The following CTNNA2 variants were observed in gnomAD, a reference collection of about 807,000 sequenced individuals.
CTNNA2 encodes catenin alpha 2, also known as catenin alpha-2.
CTNNA2 carries 42 observed loss-of-function variants against 101.0 expected under a neutral mutation model. That is an observed-to-expected ratio of 0.42 (90% confidence interval 0.32 to 0.54). The LOEUF (loss-of-function observed/expected upper bound fraction) is 0.54, where lower values mean the gene tolerates loss of function less well. Ranked by LOEUF, CTNNA2 falls within the 20% of genes least tolerant of loss-of-function variation. CTNNA2 has a pLI of 0.14. For synonymous variants in CTNNA2, 450 were observed against 456.4 expected (o/e 0.99, Z 0.18); for missense variants, 871 against 1,223.1 (o/e 0.71, Z 4.29).
At chr2:80,608,341 A>G (rs202107732) in intron 17 of CTNNA2, 23 bp downstream of exon 17, 38 of 1,599,628 alleles carry the variant, frequency 2.4e-5, no homozygotes, top group Middle Eastern at 1.7e-4. Context: ...TGGGCTTCAC[A>G]ATGTAAAGTT....
At chr2:79,485,077 G>T (rs951328161) in intron 4 of CTNNA2, among the ~76,000 whole-genome samples, 3 of 152,066 alleles carry the variant, frequency 2.0e-5, no homozygotes, top group African/African-American at 7.2e-5. Context: ...CTATATGAAG[G>T]TTATAGATGG....
intron 2 of CTNNA2, among the ~76,000 whole-genome samples, chr2:79,729,617 C>G (rs1173313478): frequency 6.6e-6 from 1 of 151,946 alleles, no homozygotes; most frequent in Non-Finnish European, 1.5e-5. Flanking sequence ...TGTGAATTGT[C>G]CAAATAAAGG....
At chr2:79,999,106 T>G (rs1219237131) in intron 7 of CTNNA2, among the ~76,000 whole-genome samples, 1 of 152,094 alleles carries the variant, frequency 6.6e-6, no homozygotes, top group Non-Finnish European at 1.5e-5. Flanking sequence ...GAAGGACATC[T>G]GAGCCTTGGC....
chr2:80,570,956 A>G (rs992128495), intron 12 of CTNNA2, among the ~76,000 whole-genome samples: 3 of 152,076 alleles, frequency 2.0e-5, no homozygotes, highest in Non-Finnish European at 4.4e-5. Flanking sequence ...TATGAAGTCC[A>G]TTTAGGTTTT....
At chr2:80,641,667 A>C (rs537362401) in intron 18 of CTNNA2, among the ~76,000 whole-genome samples, 1 of 152,260 alleles carries the variant, frequency 6.6e-6, no homozygotes, top group East Asian at 1.9e-4. Flanking sequence ...CACCATTCTG[A>C]AGGGTAAAAG....
chr2:79,547,871 G>C (rs1673837790), intron 1 of CTNNA2: 1 of 152,434 alleles, frequency 6.6e-6, no homozygotes, highest in Non-Finnish European at 1.5e-5. Context: ...ACCAGCTAAA[G>C]ACTTTTTCAC....
At chr2:80,368,449 G>A (rs1675134738) in intron 7 of CTNNA2, among the ~76,000 whole-genome samples, 1 of 152,018 alleles carries the variant, frequency 6.6e-6, no homozygotes, top group Non-Finnish European at 1.5e-5. Flanking sequence ...ATTTTTACGT[G>A]CATGTGCTAA....
chr2:80,337,889 G>A (rs1273534117), intron 7 of CTNNA2, among the ~76,000 whole-genome samples: 5 of 152,206 alleles, frequency 3.3e-5, no homozygotes, highest in Admixed American at 3.3e-4. Context: ...TGGTCCAGAG[G>A]ATAGTAGCAA....
At chr2:80,109,463 GAAAC>G (rs3067112) in intron 7 of CTNNA2, among the ~76,000 whole-genome samples, 76 of 151,644 alleles carry the variant, frequency 5.0e-4, no homozygotes, top group East Asian at 2.3e-3. Context: ...TCTGTCTCAA[GAAAC>G]AAACAAACAA....
intron 2 of CTNNA2, among the ~76,000 whole-genome samples, chr2:79,736,524 A>G (rs1328904615): frequency 1.3e-5 from 2 of 152,212 alleles, no homozygotes; most frequent in African/African-American, 2.4e-5. Context: ...ATTTCAAGTT[A>G]GTTACACTAG....
chr2:79,733,379 G>C (rs894422934), intron 2 of CTNNA2, among the ~76,000 whole-genome samples: 2 of 151,990 alleles, frequency 1.3e-5, no homozygotes, highest in African/African-American at 4.8e-5. Context: ...TATGAATAAA[G>C]GCAGTGTCAG....
rs531326279 is a variant in CTNNA2, at chr2:80,094,324, G to A, written c.1056+184527G>A. On this transcript the variant is annotated intron_variant, in intron 7 of 18. Coordinates refer to ENST00000402739, the MANE Select transcript of CTNNA2 (RefSeq NM_001282597.3). Reference sequence around the variant, plus strand: ...AAAGATCAGATAGTTGTAGATATGCGGCATTATTTCTGAGGGCTCTGTTCT... The same window carrying A: ...AAAGATCAGATAGTTGTAGATATGCAGCATTATTTCTGAGGGCTCTGTTCT... 1.3e-3 allele frequency among the ~76,000 whole-genome samples: 199 copies of A among 152,044 alleles called. 3 individuals carry two copies. The East Asian group carries it at 0.027, about 21-fold the overall frequency.
chr2:79,464,119 T>C (rs909956328), intron 4 of CTNNA2, among the ~76,000 whole-genome samples: 1 of 152,154 alleles, frequency 6.6e-6, no homozygotes, highest in African/African-American at 2.4e-5. Flanking sequence ...TATCTCCTAA[T>C]GCTATCCTCC....
intron 3 of CTNNA2, among the ~76,000 whole-genome samples, chr2:79,828,468 A>C (rs1314462946): frequency 6.6e-6 from 1 of 152,220 alleles, no homozygotes; most frequent in Admixed American, 6.5e-5. Flanking sequence ...AATGTAGATA[A>C]TTTACTTTTA....
At chr2:80,113,936 A>G (rs1573119113) in intron 7 of CTNNA2, among the ~76,000 whole-genome samples, 1 of 152,200 alleles carries the variant, frequency 6.6e-6, no homozygotes, top group African/African-American at 2.4e-5. Flanking sequence ...CTTTGCCTCT[A>G]TGGCCACCTA....
chr2:79,338,845 G>A (rs1412711596), intron 3 of CTNNA2, among the ~76,000 whole-genome samples: 1 of 152,088 alleles, frequency 6.6e-6, no homozygotes, highest in African/African-American at 2.4e-5. Context: ...AGATAGAGAG[G>A]AAGGTGTGAA....
At chr2:79,439,255 G>A (rs1433415867) in intron 4 of CTNNA2, among the ~76,000 whole-genome samples, 1 of 152,160 alleles carries the variant, frequency 6.6e-6, no homozygotes, top group Non-Finnish European at 1.5e-5. Context: ...ATGAAGCACT[G>A]ATACACGTTG....
intron 7 of CTNNA2, among the ~76,000 whole-genome samples, chr2:80,146,123 G>A (rs1703318287): frequency 6.6e-6 from 1 of 152,176 alleles, no homozygotes; most frequent in Admixed American, 6.5e-5. Flanking sequence ...GCACTGAGGT[G>A]CTCCAATGGA....
chr2:79,973,314 CT>C (rs1206572055), intron 7 of CTNNA2, among the ~76,000 whole-genome samples: 2 of 152,094 alleles, frequency 1.3e-5, no homozygotes, highest in East Asian at 3.9e-4. Context: ...TGGATGGCCT[CT>C]GGGATTCTCA....
Sources: allele counts gnomAD v4.1 joint callset (sites outside exome capture counted in the v4.1 genomes callset), GRCh38; gene constraint gnomAD v4.1.1; transcripts MANE v1.5; gene names NCBI Gene and HGNC (gene_info 2026-07-23, HGNC 2026-07-21).